Variants in NCR1 observed in about 807,000 individuals in gnomAD.
NCR1 encodes natural cytotoxicity triggering receptor 1, also known as NK cell-activating receptor.
Under a neutral mutation model 32.5 loss-of-function variants are expected in NCR1, and 30 were observed. That is an observed-to-expected ratio of 0.92 (90% CI 0.69 to 1.25). NCR1 has a LOEUF of 1.25. Ranked by LOEUF, NCR1 falls within the 50% of genes most tolerant of loss-of-function variation. NCR1 has a pLI of 0.00. For missense variants in NCR1, 369 were observed against 380.7 expected (o/e 0.97, Z 0.26); for synonymous variants, 169 against 143.4 (o/e 1.18, Z -1.28).
the NCR1 span, among the ~76,000 whole-genome samples, chr19:54,927,252 G>C: frequency 6.6e-6 from 1 of 151,566 alleles, no homozygotes; most frequent in Admixed American, 6.6e-5. Flanking sequence ...ATGGTGGCAG[G>C]CATCTGTAAT....
At chr19:54,909,659 A>G in intron 4 of NCR1, 136 bp downstream of exon 4, 1 of 1,070,524 alleles carries the variant, frequency 9.3e-7, no homozygotes, top group Non-Finnish European at 1.3e-6. Context: ...TGTGAGGAAG[A>G]ACACCAGAAG....
At chr19:54,925,374 G>C in the NCR1 span, among the ~76,000 whole-genome samples, 2 of 152,080 alleles carry the variant, frequency 1.3e-5, no homozygotes, top group African/African-American at 4.8e-5. Flanking sequence ...ACAATTATTT[G>C]AACTGCAGAC....
At chr19:54,902,515 C>T (rs1602007670), upstream of NCR1, among the ~76,000 whole-genome samples, 1 of 152,110 alleles carries the variant, frequency 6.6e-6, no homozygotes, top group Middle Eastern at 3.4e-3. Context: ...AATCCACCCA[C>T]CTCGGCCTCC....
chr19:54,910,901 A>G (rs1455320752), intron 5 of NCR1, among the ~76,000 whole-genome samples: 1 of 152,160 alleles, frequency 6.6e-6, no homozygotes, highest in Non-Finnish European at 1.5e-5. Flanking sequence ...CTGTCAGGAG[A>G]AAGGAGGCTC....
At chr19:54,915,691 C>G (rs2068117620), downstream of NCR1, 1 of 151,478 alleles carries the variant, frequency 6.6e-6, no homozygotes, top group South Asian at 2.1e-4. Flanking sequence ...TTTCTTTACC[C>G]CAACTCATTC....
At chr19:54,901,143 A>G in the NCR1 span, among the ~76,000 whole-genome samples, 1 of 150,448 alleles carries the variant, frequency 6.6e-6, no homozygotes, top group South Asian at 2.1e-4. Flanking sequence ...AAAAAAGATT[A>G]CCCGGACGTG....
chr19:54,926,960 T>C, the NCR1 span, among the ~76,000 whole-genome samples: 10 of 144,680 alleles, frequency 6.9e-5, no homozygotes, highest in African/African-American at 2.6e-4. Context: ...TGTGGTGGTG[T>C]GTACCTGTAA....
In NCR1 at chr19:54,909,429, G is replaced by A. The variant is rs1467559005; in HGVS notation, c.540G>A (p.Val180=). ...AGGCGGAGTTCCCCCTGGGCCCTGT[G>A]ACCACAGCCCACAGAGGGACATACC... ...KVQAEFPLGP[V]TTAHRGTYRC... Residue 180 remains valine, a synonymous_variant, in exon 4 of 7, where the codon GTG becomes GTA. Coordinates refer to ENST00000291890, the MANE Select transcript of NCR1 (RefSeq NM_004829.7). 1 of 1,613,456 alleles carries A rather than the reference G, an allele frequency of 6.2e-7. No individual in the cohort carries two copies. The highest frequency in any genetic ancestry group is 8.5e-7 in the Non-Finnish European group (1 of 1,180,016).
At chr19:54,921,772 C>CAAAAAA in the NCR1 span, among the ~76,000 whole-genome samples, 20 of 93,874 alleles carry the variant, frequency 2.1e-4, no homozygotes, top group East Asian at 8.0e-4. Flanking sequence ...GACTCCATCT[C>CAAAAAA]AAAAAAAAAA....
chr19:54,910,132 C>G (rs1432783312), intron 5 of NCR1, 67 bp downstream of exon 5: 1 of 1,497,718 alleles, frequency 6.7e-7, no homozygotes, highest in African/African-American at 1.4e-5. Flanking sequence ...AAAAACGTGG[C>G]ATTCATTCAA....
Position 54,912,786 on chromosome 19 carries a change from G to A in NCR1, c.830G>A (p.Trp277Ter). The A allele has an allele frequency of 6.2e-7, 1 of 1,614,070 alleles. No individual in the cohort carries two copies. Among genetic ancestry groups the A allele is most frequent in the Non-Finnish European group, 8.5e-7 (1 of 1,180,028 alleles). ...CTAGTGTGGTTCCTGGTTGAAGACT[G>A]GCTCAGCAGGAAGAGGACTAGAGAG... Reference protein sequence around the residue: ...VALVWFLVEDWLSRKRTRERA... With the variant: ...VALVWFLVED Residue 277 changes from tryptophan (W) to a stop codon, truncating the protein, a stop_gained, in exon 7 of 7, where the codon TGG becomes TAG. Coordinates refer to ENST00000291890, the MANE Select transcript of NCR1 (RefSeq NM_004829.7). LOFTEE classifies it low-confidence loss of function (END_TRUNC).
chr19:54,917,531 G>C (rs2068160545), downstream of NCR1, among the ~76,000 whole-genome samples: 1 of 152,092 alleles, frequency 6.6e-6, no homozygotes, highest in African/African-American at 2.4e-5. Flanking sequence ...ATGTTAGCCA[G>C]GTTGGTCTTG....
At chr19:54,919,718 C>A (rs559702593), downstream of NCR1, among the ~76,000 whole-genome samples, 21 of 144,976 alleles carry the variant, frequency 1.4e-4, 1 homozygote, top group East Asian at 4.8e-3. Flanking sequence ...AGGGAGACCC[C>A]CCCCCCCACC....
At chr19:54,917,476 C>T (rs201985964), downstream of NCR1, among the ~76,000 whole-genome samples, 6 of 152,138 alleles carry the variant, frequency 3.9e-5, no homozygotes, top group East Asian at 7.9e-4. Flanking sequence ...TGTGCCGCCA[C>T]GCCTGGCTAA....
At chr19:54,903,637 G>GTATATACGCAGTA (rs2067375447), upstream of NCR1, among the ~76,000 whole-genome samples, 1 of 145,440 alleles carries the variant, frequency 6.9e-6, no homozygotes, top group African/African-American at 2.5e-5. Context: ...GTACTATGCA[G>GTATATACGCAGTA]TATATATACA....
At chr19:54,918,900 C>A (rs2068185487), downstream of NCR1, among the ~76,000 whole-genome samples, 1 of 151,624 alleles carries the variant, frequency 6.6e-6, no homozygotes, top group Admixed American at 6.6e-5. Context: ...TGGAGAATCG[C>A]TTGAACCCAG....
At chr19:54,919,228 A>G (rs1358233097), downstream of NCR1, among the ~76,000 whole-genome samples, 1 of 125,260 alleles carries the variant, frequency 8.0e-6, no homozygotes, top group East Asian at 3.1e-4. Context: ...CAAAGAGACA[A>G]GAGAAAAGGC....
chr19:54,906,147 C>G (rs766567319), upstream of NCR1: 5 of 1,613,964 alleles, frequency 3.1e-6, no homozygotes, highest in Non-Finnish European at 4.2e-6. Context: ...CCGCCCGGCT[C>G]AGTCCCCACT....
chr19:54,926,388 G>A, the NCR1 span, among the ~76,000 whole-genome samples: 2 of 152,158 alleles, frequency 1.3e-5, no homozygotes, highest in African/African-American at 4.8e-5. Context: ...TCCTAAGCTA[G>A]GAGTGTGCTA....
Sources: gnomAD v4.1 joint callset for allele counts (sites outside exome capture counted in the v4.1 genomes callset) on GRCh38, gnomAD v4.1.1 for gene constraint, MANE v1.5 for transcripts, NCBI Gene and HGNC (gene_info 2026-07-23, HGNC 2026-07-21) for gene names.